The following ZDHHC1 variants were observed in gnomAD, a reference collection of about 807,000 sequenced individuals.
ZDHHC1 encodes the protein palmitoyltransferase ZDHHC1.
ZDHHC1 carries 45 observed loss-of-function variants against 46.9 expected under a neutral mutation model. The observed-to-expected ratio is 0.96, with a 90% CI of 0.76 to 1.23. The LOEUF (loss-of-function observed/expected upper bound fraction) is 1.23, where lower values mean the gene tolerates loss of function less well. ZDHHC1 is among the 50% of genes most tolerant of loss of function. ZDHHC1 has a pLI of 0.00. For synonymous variants in ZDHHC1, 291 were observed against 286.0 expected (o/e 1.02, Z -0.18); for missense variants, 649 against 670.8 (o/e 0.97, Z 0.36).
chr16:67,398,574 G>A lies in ZDHHC1; in HGVS notation c.813C>T (p.Leu271=). 1 of 1,598,062 alleles carries A rather than the reference G, an allele frequency of 6.3e-7. No homozygotes were observed. Among genetic ancestry groups the A allele is most frequent in the Non-Finnish European group, 8.5e-7 (1 of 1,174,704 alleles). Residue 271 remains leucine (L), a splice_region_variant and synonymous_variant, in exon 7 of 12, where the codon CTC becomes CTT. Transcript: ENST00000565726. ...AAGGCAGGTGCAGGAGGCACTTACT[G>A]AGATAAATGTGGAAGCAGAGCAGGT... ...LGHLLCFHIY[L]MWHKLTTYEY... is the part of the protein sequence containing the mutation.
At chr16:67,395,381 G>T (rs1333347504) in intron 9 of ZDHHC1, 101 bp from the exon 10 acceptor site, 29 of 1,525,832 alleles carry the variant, frequency 1.9e-5, no homozygotes, top group Non-Finnish European at 2.5e-5. Context: ...TCAGAGAAGG[G>T]CCTGACCCAT....
chr16:67,396,968 G>C (rs1265744917), intron 8 of ZDHHC1, among the ~76,000 whole-genome samples: 2 of 152,222 alleles, frequency 1.3e-5, no homozygotes, highest in Non-Finnish European at 2.9e-5. Flanking sequence ...TCCCCACTCA[G>C]AGCCCTGTCC....
In ZDHHC1 at chr16:67,406,571, G is replaced by C. The variant is rs942451026; in HGVS notation, c.10-129C>G. 7 of 1,222,196 alleles carry C rather than the reference G, an allele frequency of 5.7e-6. No individual in the cohort carries two copies. Among genetic ancestry groups the C allele is most frequent in the Non-Finnish European group, 6.6e-6 (6 of 909,492 alleles). The allele number at this position is 1,222,196 out of a possible 1,614,324, so 75.7% of individuals were successfully genotyped here. On this transcript the variant is annotated intron_variant, in intron 2 of 11. Transcript: ENST00000565726. The surrounding 1 kb of genome is among the most constrained non-coding windows in gnomAD (Gnocchi z 4.1). ...GACAGCTACTCTGCTGGGGAAACTGGGGTCCTAGCACAATAGAGATGGGCA... is the reference window on the plus strand; with the variant it reads ...GACAGCTACTCTGCTGGGGAAACTGCGGTCCTAGCACAATAGAGATGGGCA...
chr16:67,395,706 G>A (rs1052779178), intron 8 of ZDHHC1, 140 bp from the exon 9 acceptor site: 4 of 829,196 alleles, frequency 4.8e-6, no homozygotes, highest in Non-Finnish European at 7.6e-6. Context: ...GCCATGCTGG[G>A]AAAACCCCAT....
chr16:67,413,071 C>T (rs543660578), intron 1 of ZDHHC1, among the ~76,000 whole-genome samples: 2 of 151,698 alleles, frequency 1.3e-5, no homozygotes, highest in East Asian at 3.9e-4. Context: ...CTAGCCACTG[C>T]ACCCAGCCTA....
rs1181150494 is a variant in ZDHHC1, at chr16:67,406,309, G to A, written c.143C>T (p.Pro48Leu). 8 of 1,606,854 alleles carry A rather than the reference G, an allele frequency of 5.0e-6. No homozygotes were observed. The highest frequency in any genetic ancestry group is 1.3e-5 in the African/African-American group (1 of 74,884). ...RSRRNGWSWP[P>L]HPLQIVAWLL... is the part of the protein sequence containing the mutation. ...CCAGGCCACAATCTGGAGCGGGTGA[G>A]GGGGCCAGCTCCACCCATTCCGGCG... The change falls in exon 3 of 12, where the codon CCT becomes CTT. Residue 48 changes from proline (P) to leucine (L), a missense_variant. Physicochemically the swap from Pro to Leu is moderately conservative, Grantham distance 98 (BLOSUM62 -3). Coordinates refer to ENST00000565726, the MANE Select transcript of ZDHHC1 (RefSeq NM_001323627.2). This position sits in a 1 kb window ranked among gnomAD's most constrained non-coding sequence, Gnocchi z 4.1.
At position 67,394,431 on chromosome 16, in the gene ZDHHC1, TAAA is replaced by T. The variant is rs1467599226; in HGVS notation, c.*176_*178del. On this transcript the variant is annotated 3_prime_UTR_variant, in exon 12 of 12. Coordinates refer to ENST00000565726, the MANE Select transcript of ZDHHC1 (RefSeq NM_001323627.2). ...AGTAAGCGCGACGTCCGCAAAAGCA[TAAA>T]AAAGTTTATTGGAGCATCACAGCCG... 1.2e-5 allele frequency: 5 copies of T among 420,884 alleles called. No homozygotes were observed. The highest frequency in any genetic ancestry group is 1.7e-5 in the Non-Finnish European group (5 of 292,726). The allele number at this position is 420,884 out of a possible 1,614,324, so 26.1% of individuals were successfully genotyped here.
In ZDHHC1 at chr16:67,401,291, G is replaced by C. The variant is rs760056677; in HGVS notation, c.253-159C>G. ...CCAGTCCCCCAAAGCCTCCTCATCA[G>C]ACCTCTCCAGGTAACCCCTATGCCC... On this transcript the variant is annotated intron_variant, in intron 3 of 11. Coordinates refer to ENST00000565726, the MANE Select transcript of ZDHHC1 (RefSeq NM_001323627.2). The surrounding 1 kb of genome is among the most constrained non-coding windows in gnomAD (Gnocchi z 4.6). 1.3e-5 allele frequency among the ~76,000 whole-genome samples: 2 copies of C among 152,186 alleles called. No homozygotes were observed. Among genetic ancestry groups the C allele is most frequent in the African/African-American group, 2.4e-5 (1 of 41,452 alleles).
At chr16:67,399,086 C>CATACGGCAAAACTGAAG in intron 5 of ZDHHC1, 142 bp from the exon 6 acceptor site, 1 of 1,260,614 alleles carries the variant, frequency 7.9e-7, no homozygotes, top group South Asian at 1.6e-5. Flanking sequence ...AAGCCAAAGG[C>CATACGGCAAAACTGAAG]ATACGGCAAA....
intron 4 of ZDHHC1, among the ~76,000 whole-genome samples, chr16:67,399,729 G>A (rs1219918660): frequency 6.6e-6 from 1 of 152,118 alleles, no homozygotes; most frequent in Non-Finnish European, 1.5e-5. Context: ...GCGCCTAGCT[G>A]ATGCGCCATG....
chr16:67,408,700 G>A (rs560945615), intron 1 of ZDHHC1, among the ~76,000 whole-genome samples: 1 of 152,014 alleles, frequency 6.6e-6, no homozygotes, highest in African/African-American at 2.4e-5. Context: ...TGCCCAGGCT[G>A]GTCTCCAACT....
At chr16:67,415,496 C>A (rs1384134164) in intron 1 of ZDHHC1, among the ~76,000 whole-genome samples, 4 of 151,998 alleles carry the variant, frequency 2.6e-5, no homozygotes, top group Admixed American at 6.6e-5. Context: ...GTGGCTCACA[C>A]CTGTAATCCC....
Position 67,401,031 on chromosome 16 carries a change from G to A in ZDHHC1, c.354C>T (p.Pro118=), listed in dbSNP as rs1201309220. Residue 118 remains proline (P), a synonymous_variant, in exon 4 of 12, where the codon CCC becomes CCT. Transcript: ENST00000565726. The surrounding 1 kb of genome is among the most constrained non-coding windows in gnomAD (Gnocchi z 4.6). ...GCTGGCTTCGGTTGAAGATGGGCAG[G>A]GGCCCCGCATAGCTCTTGTCCCGCA... ...ANVRDKSYAG[P]LPIFNRSQHA... 3 of 1,614,172 alleles carry A rather than the reference G, an allele frequency of 1.9e-6. No individual in the cohort carries two copies. Among genetic ancestry groups the A allele is most frequent in the Non-Finnish European group, 2.5e-6 (3 of 1,180,032 alleles).
intron 3 of ZDHHC1, among the ~76,000 whole-genome samples, chr16:67,403,710 G>A (rs924496400): frequency 3.3e-5 from 5 of 152,092 alleles, no homozygotes; most frequent in African/African-American, 1.2e-4. Context: ...CCCGACCCGG[G>A]TTCAAGCGAT....
intron 3 of ZDHHC1, among the ~76,000 whole-genome samples, chr16:67,405,757 A>G (rs2040642600): frequency 6.6e-6 from 1 of 152,236 alleles, no homozygotes. Flanking sequence ...GAATAAAACC[A>G]TATTTTAAGG....
chr16:67,405,960 TG>T (rs1196307922), intron 3 of ZDHHC1, among the ~76,000 whole-genome samples: 3 of 152,190 alleles, frequency 2.0e-5, no homozygotes, highest in African/African-American at 7.2e-5. Flanking sequence ...TTCACATCTT[TG>T]TGGGGCTTCA....
intron 1 of ZDHHC1, among the ~76,000 whole-genome samples, chr16:67,410,497 G>A (rs1281008883): frequency 6.6e-6 from 1 of 152,178 alleles, no homozygotes; most frequent in African/African-American, 2.4e-5. Context: ...TGGCTTCTGA[G>A]GCAGGCAGGA....
intron 8 of ZDHHC1, among the ~76,000 whole-genome samples, chr16:67,396,551 C>T (rs942025930): frequency 4.6e-5 from 7 of 152,000 alleles, no homozygotes; most frequent in East Asian, 3.9e-4. Flanking sequence ...GGGCCCCTCC[C>T]GCATTCCTGC....
At chr16:67,397,552 C>T (rs539084211) in intron 8 of ZDHHC1, among the ~76,000 whole-genome samples, 63 of 152,280 alleles carry the variant, frequency 4.1e-4, no homozygotes, top group Middle Eastern at 3.4e-3. Flanking sequence ...CATGAGGCCT[C>T]GGGATCCAGG....
Sources: gnomAD v4.1 joint callset for allele counts (sites outside exome capture counted in the v4.1 genomes callset) on GRCh38, gnomAD v4.1.1 for gene constraint, Gnocchi (gnomAD v3.1) non-coding constraint, MANE v1.5 for transcripts, NCBI Gene and HGNC (gene_info 2026-07-23, HGNC 2026-07-21) for gene names.